Variants in CAND1 observed in about 807,000 individuals in gnomAD.
The protein encoded by CAND1 is cullin associated and neddylation dissociated 1, also known as cullin-associated NEDD8-dissociated protein 1.
In CAND1, 7 loss-of-function variants were observed where a neutral mutation model predicts 108.5. The observed-to-expected ratio is 0.06, with a 90% CI of 0.04 to 0.12. The LOEUF (loss-of-function observed/expected upper bound fraction) is 0.12. CAND1 is among the 10% of genes least tolerant of loss of function. The probability of loss-of-function intolerance (pLI) is 1.00; values close to 1 mark genes in which losing one functional copy is unlikely to be tolerated. For synonymous variants in CAND1, 534 were observed against 512.0 expected (o/e 1.04, Z -0.58); for missense variants, 941 against 1,448.7 (o/e 0.65, Z 5.69).
In CAND1 at chr12:67,269,796, G is replaced by T. The variant is rs1165475143; in HGVS notation, c.68+11G>T. On this transcript the variant is annotated intron_variant, in intron 1 of 14. Transcript: ENST00000545606. ...CGACAAGGACTTTAGGTGAGGCCGA[G>T]ATCCGACCCTCACCCCACCTCGGGG... is the stretch of plus-strand genomic sequence containing the variant. 5.0e-6 allele frequency: 8 copies of T among 1,599,338 alleles called. No homozygotes were observed. Among genetic ancestry groups the T allele is most frequent in the Admixed American group, 1.7e-5 (1 of 58,568 alleles).
chr12:67,280,077 G>A (rs971601821), intron 1 of CAND1, among the ~76,000 whole-genome samples: 6 of 152,156 alleles, frequency 3.9e-5, no homozygotes, highest in Non-Finnish European at 8.8e-5. Context: ...TATAAAATGG[G>A]TGAGGGGCTT....
chr12:67,300,337 T>C (rs1457207698), intron 7 of CAND1, among the ~76,000 whole-genome samples: 2 of 152,152 alleles, frequency 1.3e-5, no homozygotes, highest in East Asian at 3.8e-4. Context: ...GGCTTTAATA[T>C]CAATATGCTG....
At position 67,298,973 on chromosome 12, in the gene CAND1, A is replaced by G. The variant is rs1419550020; in HGVS notation, c.878A>G (p.His293Arg). The change falls in exon 7 of 15, where the codon CAT (histidine) becomes CGT (arginine). Residue 293 changes from histidine (H) to arginine (R), a missense_variant. Around this residue, in one of 9 missense-constraint regions of CAND1, gnomAD observed 697 missense variants for 942.0 expected, o/e 0.74. Transcript: ENST00000545606. ...AGATGTCCTAAGGAAGTATATCCTCATGTTTCTACCATTATAAATATTTGT... is the reference window on the plus strand; with the variant it reads ...AGATGTCCTAAGGAAGTATATCCTCGTGTTTCTACCATTATAAATATTTGT... The part of the protein sequence containing the change: ...VRRCPKEVYP[H>R]VSTIINICLK... 1 of 1,535,070 alleles carries G rather than the reference A, an allele frequency of 6.5e-7. No homozygotes were observed.
At position 67,302,577 on chromosome 12, in the gene CAND1, G is replaced by A. The variant is rs1190729940; in HGVS notation, c.1255G>A (p.Glu419Lys). The stretch of plus-strand genomic sequence containing the variant: ...TTGGCTATGTGACCCTGATGCAATG[G>A]AGCAGGGAGAAACACCTTTAACAAT... Reference protein sequence around the residue: ...QSWLCDPDAMEQGETPLTMLQ... With the variant: ...QSWLCDPDAMKQGETPLTMLQ... The change falls in exon 8 of 15, where the codon GAG becomes AAG. Residue 419 changes from glutamate (E) to lysine (K), a missense_variant. This residue lies in a region of CAND1 where 697 missense variants were observed against 942.0 expected (regional missense o/e 0.74). Coordinates refer to ENST00000545606, the MANE Select transcript of CAND1 (RefSeq NM_018448.5). The A allele has an allele frequency of 2.5e-6, 4 of 1,613,884 alleles. No individual in the cohort carries two copies. The highest frequency in any genetic ancestry group is 8.5e-7 in the Non-Finnish European group (1 of 1,179,758).
At chr12:67,287,635 C>A (rs1424385868) in intron 2 of CAND1, among the ~76,000 whole-genome samples, 3 of 151,886 alleles carry the variant, frequency 2.0e-5, no homozygotes, top group African/African-American at 7.3e-5. Context: ...CAGGAACTTA[C>A]CAGCTTTACG....
chr12:67,291,488 C>T (rs2044721369), intron 2 of CAND1, among the ~76,000 whole-genome samples: 1 of 152,096 alleles, frequency 6.6e-6, no homozygotes, highest in Non-Finnish European at 1.5e-5. Flanking sequence ...TGCTTGTGAC[C>T]AGAGTGTTTC....
chr12:67,282,168 G>A, intron 2 of CAND1, 115 bp downstream of exon 2: 1 of 1,098,510 alleles, frequency 9.1e-7, no homozygotes, highest in Middle Eastern at 2.1e-4. Context: ...TCTAGTGTGT[G>A]TGTGTAGAAT....
intron 11 of CAND1, among the ~76,000 whole-genome samples, chr12:67,308,874 A>G (rs756086564): frequency 1.3e-4 from 19 of 151,844 alleles, no homozygotes; most frequent in East Asian, 5.8e-4. Context: ...GGGTTTCCCA[A>G]TCTACAGTAT....
chr12:67,284,531 G>A (rs1205458257), intron 2 of CAND1, among the ~76,000 whole-genome samples: 1 of 152,096 alleles, frequency 6.6e-6, no homozygotes, highest in African/African-American at 2.4e-5. Flanking sequence ...AGTTTACTTA[G>A]TATAATTAGG....
chr12:67,295,073 A>T lies in CAND1; in HGVS notation c.408A>T (p.Gly136=). 1 of 1,612,970 alleles carries T rather than the reference A, an allele frequency of 6.2e-7. No individual in the cohort carries two copies. The highest frequency in any genetic ancestry group is 1.7e-5 in the Admixed American group (1 of 59,996). The change falls in exon 4 of 15, where the codon GGA becomes GGT. Residue 136 remains glycine, a synonymous_variant. Coordinates refer to ENST00000545606, the MANE Select transcript of CAND1 (RefSeq NM_018448.5). The part of the protein sequence containing the change: ...LAANVCKKIT[G]RLTSAIAKQE... ...CTAATGTATGTAAAAAGATTACTGG[A>T]CGTCTTACAAGTGCAATAGCAAAAC... is the stretch of plus-strand genomic sequence containing the variant.
chr12:67,290,834 G>C (rs1399836419), intron 2 of CAND1, among the ~76,000 whole-genome samples: 1 of 152,174 alleles, frequency 6.6e-6, no homozygotes, highest in Non-Finnish European at 1.5e-5. Context: ...CAGGAGGAGA[G>C]CAGAGGGCGA....
intron 1 of CAND1, among the ~76,000 whole-genome samples, chr12:67,278,672 C>A (rs1309798129): frequency 6.6e-6 from 1 of 151,912 alleles, no homozygotes; most frequent in Non-Finnish European, 1.5e-5. Context: ...GTGTACACCA[C>A]CACACCCAGC....
chr12:67,272,266 A>G (rs1450423169), intron 1 of CAND1, among the ~76,000 whole-genome samples: 1 of 152,242 alleles, frequency 6.6e-6, no homozygotes, highest in Non-Finnish European at 1.5e-5. Context: ...AATTTGACCT[A>G]GTCACAAGAT....
intron 11 of CAND1, 147 bp downstream of exon 11, chr12:67,307,639 A>G (rs900275908): frequency 3.3e-6 from 2 of 609,450 alleles, no homozygotes; most frequent in African/African-American, 3.7e-5. Flanking sequence ...TACAACTTTT[A>G]ACAAATTGCA....
At chr12:67,301,602 T>C (rs1485305989) in intron 7 of CAND1, among the ~76,000 whole-genome samples, 3 of 152,166 alleles carry the variant, frequency 2.0e-5, no homozygotes, top group Non-Finnish European at 2.9e-5. Context: ...TTGCTTTGAA[T>C]GTTTAAGGTT....
chr12:67,277,688 G>A (rs911068695), intron 1 of CAND1, among the ~76,000 whole-genome samples: 1 of 152,132 alleles, frequency 6.6e-6, no homozygotes, highest in African/African-American at 2.4e-5. Context: ...TTCACCACTC[G>A]ACACTCATCC....
At chr12:67,286,423 G>C (rs1024411693) in intron 2 of CAND1, among the ~76,000 whole-genome samples, 4 of 152,150 alleles carry the variant, frequency 2.6e-5, no homozygotes, top group African/African-American at 9.7e-5. Flanking sequence ...GAAAGTACCA[G>C]TTGCTCCACA....
intron 1 of CAND1, among the ~76,000 whole-genome samples, chr12:67,272,598 A>T (rs1238919722): frequency 6.6e-6 from 1 of 152,194 alleles, no homozygotes; most frequent in Admixed American, 6.5e-5. Context: ...TAAAAATGAG[A>T]TATTAAGACT....
chr12:67,270,190 A>G (rs923338556), intron 1 of CAND1: 26 of 179,682 alleles, frequency 1.4e-4, no homozygotes, highest in Admixed American at 3.2e-4. Flanking sequence ...CTGCGGCGCT[A>G]GGCCGCCTTG....
Sources: gnomAD v4.1 joint callset for allele counts (sites outside exome capture counted in the v4.1 genomes callset) on GRCh38, gnomAD v4.1.1 for gene constraint, gnomAD v4.1.1 regional missense constraint, MANE v1.5 for transcripts, NCBI Gene and HGNC (gene_info 2026-07-23, HGNC 2026-07-21) for gene names.